NAALADL2: variants seen among roughly 807,000 people sequenced by gnomAD.
NAALADL2 encodes N-acetylated alpha-linked acidic dipeptidase like 2.
A neutral mutation model predicts 87.2 loss-of-function variants in NAALADL2; 76 were observed. The observed-to-expected ratio is 0.87, with a 90% confidence interval of 0.72 to 1.05. The LOEUF is 1.05. NAALADL2 is among the 50% of genes least tolerant of loss of function. NAALADL2 has a pLI of 0.00. For synonymous variants in NAALADL2, 354 were observed against 331.0 expected (o/e 1.07, Z -0.75); for missense variants, 1,089 against 945.8 (o/e 1.15, Z -1.99).
chr3:174,912,438 T>C (rs1365472539), intron 1 of NAALADL2, among the ~76,000 whole-genome samples: 1 of 152,070 alleles, frequency 6.6e-6, no homozygotes, highest in African/African-American at 2.4e-5. Flanking sequence ...CGTTTGTAAA[T>C]CGTCAGTACA....
rs117489810 is a variant in NAALADL2 at position 175,215,415 on chromosome 3, C to T, written c.546-18516C>T. ...CATACATGTCTTGCTCTTCTATGTC[C>T]GGGAGCTGAAGACCTGCCCAAGGAT... On this transcript the variant is annotated intron_variant, in intron 2 of 13. Coordinates refer to ENST00000454872, the MANE Select transcript of NAALADL2 (RefSeq NM_207015.3). 3.7e-4 allele frequency among the ~76,000 whole-genome samples: 56 copies of T among 152,176 alleles called. No homozygotes were observed. The East Asian group carries it at 7.7e-3, about 21-fold the overall frequency.
At chr3:175,340,978 G>T (rs1450352666) in intron 5 of NAALADL2, among the ~76,000 whole-genome samples, 1 of 151,642 alleles carries the variant, frequency 6.6e-6, no homozygotes, top group Non-Finnish European at 1.5e-5. Context: ...CCATTTCCAA[G>T]AAAGTGTGAC....
intron 2 of NAALADL2, among the ~76,000 whole-genome samples, chr3:175,111,953 T>C (rs886757562): frequency 1.3e-5 from 2 of 151,638 alleles, no homozygotes; most frequent in East Asian, 1.9e-4. Context: ...ATCCAGCTAA[T>C]GTAGTGGATG....
At chr3:175,558,637 A>G (rs772675504) in intron 9 of NAALADL2, among the ~76,000 whole-genome samples, 1 of 152,146 alleles carries the variant, frequency 6.6e-6, no homozygotes, top group Non-Finnish European at 1.5e-5. Flanking sequence ...ATTCTTTTGC[A>G]TATGGACATC....
At chr3:175,423,042 T>G (rs1272341126) in intron 5 of NAALADL2, among the ~76,000 whole-genome samples, 1 of 114,722 alleles carries the variant, frequency 8.7e-6, no homozygotes, top group Non-Finnish European at 1.8e-5. Flanking sequence ...TATATATATA[T>G]ATATATATAT....
intron 11 of NAALADL2, among the ~76,000 whole-genome samples, chr3:175,660,082 C>G (rs1732039425): frequency 6.6e-6 from 1 of 152,056 alleles, no homozygotes; most frequent in Admixed American, 6.6e-5. Context: ...CCTGGTATGT[C>G]CTCATGTGGT....
At chr3:174,749,504 G>GA (rs57331910) in intron 3 of NAALADL2, among the ~76,000 whole-genome samples, 3,488 of 143,032 alleles carry the variant, frequency 0.024, 125 homozygotes, top group African/African-American at 0.078. Context: ...TAGTAGTTAG[G>GA]AAAAAAAAAA....
chr3:174,741,712 CT>C, intron 3 of NAALADL2, among the ~76,000 whole-genome samples: 1 of 151,494 alleles, frequency 6.6e-6, no homozygotes, highest in East Asian at 1.9e-4. Context: ...AATTTTTAGC[CT>C]AATTTTGTAA....
At chr3:174,713,859 A>T (rs1307015931) in intron 2 of NAALADL2, among the ~76,000 whole-genome samples, 1 of 151,914 alleles carries the variant, frequency 6.6e-6, no homozygotes, top group East Asian at 1.9e-4. Flanking sequence ...GGTGTTTTAG[A>T]CATGAAGTCC....
chr3:175,068,794 G>C (rs1200182004), intron 1 of NAALADL2, among the ~76,000 whole-genome samples: 4 of 151,942 alleles, frequency 2.6e-5, no homozygotes, highest in Admixed American at 6.6e-5. Context: ...TAACCATCTG[G>C]GACGCAACAT....
At chr3:174,896,019 A>C (rs1173516034) in intron 1 of NAALADL2, among the ~76,000 whole-genome samples, 1 of 152,148 alleles carries the variant, frequency 6.6e-6, no homozygotes. Context: ...ATCTTAAAAA[A>C]CTGGGTATAG....
chr3:175,348,402 A>T (rs1022870389), intron 5 of NAALADL2, among the ~76,000 whole-genome samples: 1 of 152,192 alleles, frequency 6.6e-6, no homozygotes, highest in Non-Finnish European at 1.5e-5. Context: ...ATTACCATAG[A>T]CTTGTGTATT....
chr3:175,286,020 A>G (rs1754929198), intron 4 of NAALADL2, among the ~76,000 whole-genome samples: 1 of 152,224 alleles, frequency 6.6e-6, no homozygotes, highest in Non-Finnish European at 1.5e-5. Context: ...CTTGTTCAAA[A>G]GAGTGTTGAA....
At chr3:175,325,867 C>T (rs13065290) in intron 5 of NAALADL2, among the ~76,000 whole-genome samples, 20,300 of 152,188 alleles carry the variant, frequency 0.13, 1,456 homozygotes, top group Admixed American at 0.16. Flanking sequence ...ATCACCTTGA[C>T]GAATAGTGTC....
chr3:175,102,959 A>T (rs1722471623), intron 2 of NAALADL2, among the ~76,000 whole-genome samples: 3 of 151,972 alleles, frequency 2.0e-5, no homozygotes, highest in Non-Finnish European at 4.4e-5. Flanking sequence ...AAATACAAAA[A>T]TTACCCGGGC....
intron 2 of NAALADL2, among the ~76,000 whole-genome samples, chr3:174,582,765 G>A (rs750219257): frequency 1.1e-4 from 16 of 152,074 alleles, no homozygotes; most frequent in Non-Finnish European, 1.8e-4. Flanking sequence ...TATTTTTTTA[G>A]TAGAGATGGG....
At chr3:175,557,054 A>G (rs114744917) in intron 9 of NAALADL2, among the ~76,000 whole-genome samples, 2,021 of 152,316 alleles carry the variant, frequency 0.013, 41 homozygotes, top group African/African-American at 0.045. Context: ...GAACCTAAAT[A>G]TGTAATAAGT....
chr3:174,480,351 T>C (rs1262588024), intron 1 of NAALADL2, among the ~76,000 whole-genome samples: 2 of 152,076 alleles, frequency 1.3e-5, no homozygotes, highest in Non-Finnish European at 2.9e-5. Context: ...TAGCTATGAA[T>C]TGGGATATCA....
intron 1 of NAALADL2, among the ~76,000 whole-genome samples, chr3:175,077,972 C>A (rs1444241007): frequency 6.6e-6 from 1 of 151,710 alleles, no homozygotes; most frequent in African/African-American, 2.4e-5. Context: ...TACCTACACT[C>A]ATAATGAGAA....
Sources: allele counts gnomAD v4.1 joint callset (sites outside exome capture counted in the v4.1 genomes callset), GRCh38; gene constraint gnomAD v4.1.1; transcripts MANE v1.5; gene names NCBI Gene and HGNC (gene_info 2026-07-23, HGNC 2026-07-21).